The following DHX37 variants were observed in gnomAD, a reference collection of about 807,000 sequenced individuals.
DHX37 encodes probable ATP-dependent RNA helicase DHX37.
Under a neutral mutation model 134.3 loss-of-function variants are expected in DHX37, and 52 were observed. That is an observed-to-expected ratio of 0.39 (90% CI 0.31 to 0.49). DHX37 has a LOEUF of 0.49. Ranked by LOEUF, DHX37 falls within the 20% of genes least tolerant of loss-of-function variation. DHX37 has a pLI of 0.93. For missense variants in DHX37, 1,344 were observed against 1,580.8 expected, an observed-to-expected ratio of 0.85 and a Z score of 2.54; for synonymous variants, 634 against 670.7, an observed-to-expected ratio of 0.95 and a Z score of 0.85.
intron 6 of DHX37, among the ~76,000 whole-genome samples, chr12:124,974,372 T>C (rs1208351623): frequency 1.3e-5 from 2 of 151,782 alleles, no homozygotes; most frequent in African/African-American, 4.8e-5. Context: ...AGATGGTCAG[T>C]GGTGGCTGCT....
At chr12:124,988,299 C>A (rs563840654) in intron 1 of DHX37, among the ~76,000 whole-genome samples, 68 of 152,236 alleles carry the variant, frequency 4.5e-4, no homozygotes, top group Middle Eastern at 6.8e-3. Flanking sequence ...TCCTTCAGAT[C>A]TTGACTCTAA....
In DHX37 at chr12:124,954,270, C is replaced by G; in HGVS notation, c.2454-59G>C. On this transcript the variant is annotated intron_variant, in intron 18 of 26. Transcript: ENST00000308736. ...GCCTCGGCTGCGCTCAGGGCCTCAG[C>G]GGGGGGAACTCCTTTATTCATCGGG... is the stretch of plus-strand genomic sequence containing the variant. 4 of 1,513,212 alleles carry G rather than the reference C, an allele frequency of 2.6e-6. No individual in the cohort carries two copies. In the South Asian group the frequency reaches 5.4e-5, roughly 20 times the overall value. 93.7% of individuals were successfully genotyped at this position (1,513,212 alleles called of 1,614,324 possible). A position where few individuals can be genotyped will look rare whatever the true frequency, so the allele number is the denominator to read the frequency against.
rs575987057 is a variant in DHX37 at position 124,969,527 on chromosome 12, G to A, written c.1192-559C>T. On this transcript the variant is annotated intron_variant, in intron 8 of 26. Coordinates refer to ENST00000308736, the MANE Select transcript of DHX37 (RefSeq NM_032656.4). ...CTCTTGCCCCACAGTGACCGTCCCT[G>A]TCTGCCTCACCCCCGTGCCTTCCGG... 7.9e-5 allele frequency among the ~76,000 whole-genome samples: 12 copies of A among 152,116 alleles called. No individual in the cohort carries two copies. In the South Asian group the frequency reaches 2.1e-3, roughly 26 times the overall value.
Position 124,980,528 on chromosome 12 carries a change from C to T in DHX37, c.700G>A (p.Ala234Thr), listed in dbSNP as rs140803050. The T allele has an allele frequency of 2.0e-4, 323 of 1,611,602 alleles. 3 individuals are homozygous for T. In the East Asian group the frequency reaches 6.7e-3, roughly 33 times the overall value. ...PPLPRALAKPAVFIPVNRSPE... is the reference protein window; with the variant it reads ...PPLPRALAKPTVFIPVNRSPE... ...GAGCGGTTCACGGGGATGAAGACGG[C>T]GGGCTTAGCCAGGGCCCTGGGCAGT... The change falls in exon 4 of 27, where the codon GCC becomes ACC. Residue 234 changes from alanine (A) to threonine (T), a missense_variant. This residue lies in a region of DHX37 where 77 missense variants were observed against 121.6 expected (regional missense o/e 0.63). Transcript: ENST00000308736. The surrounding 1 kb of genome is among the most constrained non-coding windows in gnomAD (Gnocchi z 5.3).
Position 124,980,659 on chromosome 12 carries a change from G to A in DHX37, c.569C>T (p.Ala190Val), listed in dbSNP as rs757004022. ...AGGTGCCACGGTGGTCCCCACACCAGCCTCAGCCGGCTCAGCAGCTGGGTC... is the reference window on the plus strand; with the variant it reads ...AGGTGCCACGGTGGTCCCCACACCAACCTCAGCCGGCTCAGCAGCTGGGTC... Reference protein sequence around the residue: ...DEDPAAEPAEAGVGTTVAPLP... With the variant: ...DEDPAAEPAEVGVGTTVAPLP... The change falls in exon 4 of 27, where the codon GCT becomes GTT. Residue 190 changes from alanine (A) to valine (V), a missense_variant. Coordinates refer to ENST00000308736, the MANE Select transcript of DHX37 (RefSeq NM_032656.4). The surrounding 1 kb of genome is among the most constrained non-coding windows in gnomAD (Gnocchi z 5.3). 3.1e-6 allele frequency: 5 copies of A among 1,601,896 alleles called. No homozygotes were observed. In the Admixed American group the frequency reaches 8.5e-5, roughly 27 times the overall value.
chr12:124,986,305 G>A, intron 1 of DHX37, 40 bp from the exon 2 acceptor site: 1 of 1,602,736 alleles, frequency 6.2e-7, no homozygotes, highest in Non-Finnish European at 8.5e-7. Flanking sequence ...TCTCCTTGAG[G>A]TAGCTCTGGT....
rs534627816 is a variant in DHX37 at position 124,949,594 on chromosome 12, TGTGACCTTATATGGAAAGAG to T, written c.3290+372_3290+391del. Reference sequence around the variant, plus strand: ...TTCATGTCCACCCAGAACATCAGCGTGTGACCTTATATGGAAAGAGGGTCACTGCAAATGTCATGAGTTAA... The same window carrying T: ...TTCATGTCCACCCAGAACATCAGCGTGGTCACTGCAAATGTCATGAGTTAA... On this transcript the variant is annotated intron_variant, in intron 25 of 26. Transcript: ENST00000308736. This position sits in a 1 kb window ranked among gnomAD's most constrained non-coding sequence, Gnocchi z 4.0. Among the ~76,000 whole-genome samples the T allele has an allele frequency of 6.6e-6, 1 of 152,302 alleles. No individual in the cohort carries two copies. Among genetic ancestry groups the T allele is most frequent in the Non-Finnish European group, 1.5e-5 (1 of 68,008 alleles).
Position 124,979,128 on chromosome 12 carries a change from T to C in DHX37, c.738+1362A>G, listed in dbSNP as rs529137553. Among the ~76,000 whole-genome samples the C allele has an allele frequency of 9.2e-5, 14 of 151,914 alleles. 1 individual carries two copies. The South Asian group carries it at 1.9e-3, about 20-fold the overall frequency. ...ACTTTAGGAGGCCAAAGTGGGCAGATTGCCTGAGTTTGGGAGTTGCCTGAG... is the reference window on the plus strand; with the variant it reads ...ACTTTAGGAGGCCAAAGTGGGCAGACTGCCTGAGTTTGGGAGTTGCCTGAG... On this transcript the variant is annotated intron_variant, in intron 4 of 26. Coordinates refer to ENST00000308736, the MANE Select transcript of DHX37 (RefSeq NM_032656.4).
Position 124,960,329 on chromosome 12 carries a change from C to A in DHX37, c.2140G>T (p.Ala714Ser), listed in dbSNP as rs750008401. 1 of 1,613,816 alleles carries A rather than the reference C, an allele frequency of 6.2e-7. No individual in the cohort carries two copies. The highest frequency in any genetic ancestry group is 1.1e-5 in the South Asian group (1 of 91,072). Residue 714 changes from alanine to serine, a missense_variant, in exon 16 of 27, where the codon GCG becomes TCG. This residue lies in a region of DHX37 where 558 missense variants were observed against 650.0 expected (regional missense o/e 0.86). Transcript: ENST00000308736. The stretch of plus-strand genomic sequence containing the variant: ...CAACTGACCTTTTCAACGTTGAGCG[C>A]CTTCATTTGAAGGATTAAGTCTTCA... ...PVEDLILQMK[A>S]LNVEKVINFP...
chr12:124,977,537 C>T (rs1954671931), intron 4 of DHX37, 47 bp from the exon 5 acceptor site: 3 of 1,536,214 alleles, frequency 2.0e-6, no homozygotes, highest in Non-Finnish European at 2.6e-6. Flanking sequence ...AGACTATAGA[C>T]AGTGATGGGA....
intron 8 of DHX37, among the ~76,000 whole-genome samples, chr12:124,970,564 T>G (rs1036729577): frequency 6.6e-6 from 1 of 152,148 alleles, no homozygotes; most frequent in Non-Finnish European, 1.5e-5. Flanking sequence ...AGGTCACTTT[T>G]CGGGTGAAGC....
intron 2 of DHX37, among the ~76,000 whole-genome samples, chr12:124,984,826 G>A (rs1954832754): frequency 6.6e-6 from 1 of 152,180 alleles, no homozygotes; most frequent in South Asian, 2.1e-4. Context: ...TCAAAGACGT[G>A]TTCGTATCCC....
At chr12:124,975,322 T>A in intron 6 of DHX37, 97 bp downstream of exon 6, 1 of 1,278,188 alleles carries the variant, frequency 7.8e-7, no homozygotes, top group Non-Finnish European at 1.1e-6. Context: ...CCCAGCACCC[T>A]CGGCACAGAT....
intron 23 of DHX37, 77 bp downstream of exon 23, chr12:124,950,336 C>A: frequency 1.2e-6 from 2 of 1,600,814 alleles, no homozygotes; most frequent in South Asian, 1.1e-5. Flanking sequence ...CGTCCGGGGG[C>A]AGGGGACAGG....
intron 25 of DHX37, 72 bp from the exon 26 acceptor site, chr12:124,948,253 C>A: frequency 6.5e-7 from 1 of 1,540,608 alleles, no homozygotes; most frequent in South Asian, 1.2e-5. Flanking sequence ...GGCCCGAAAG[C>A]AGGGCAGGCA....
intron 3 of DHX37, 29 bp downstream of exon 3, chr12:124,982,482 C>T: frequency 6.2e-7 from 1 of 1,610,974 alleles, no homozygotes; most frequent in Non-Finnish European, 8.5e-7. Flanking sequence ...GGAGGGAGGG[C>T]AGGGTTAGCA....
At chr12:124,964,830 A>G in intron 14 of DHX37, 100 bp downstream of exon 14, 1 of 1,444,616 alleles carries the variant, frequency 6.9e-7, no homozygotes, top group South Asian at 1.3e-5. Context: ...GGGGATGCTG[A>G]TCAAACAGCA....
chr12:124,985,922 T>C, intron 2 of DHX37, among the ~76,000 whole-genome samples, 174 bp downstream of exon 2: 1 of 152,034 alleles, frequency 6.6e-6, no homozygotes, highest in East Asian at 1.9e-4. Flanking sequence ...GCATTTCAAG[T>C]GCTCAACAGC....
chr12:124,950,368 C>A, intron 23 of DHX37, 45 bp downstream of exon 23: 4 of 1,593,154 alleles, frequency 2.5e-6, no homozygotes, highest in African/African-American at 1.3e-5. Context: ...GAGAAGCCCA[C>A]GGCTGCAGGA....
Sources: allele counts gnomAD v4.1 joint callset (sites outside exome capture counted in the v4.1 genomes callset), GRCh38; gene constraint gnomAD v4.1.1; regional missense constraint gnomAD v4.1.1; non-coding constraint Gnocchi (gnomAD v3.1); transcripts MANE v1.5; gene names NCBI Gene and HGNC (gene_info 2026-07-23, HGNC 2026-07-21).